CUX1: variants seen among roughly 807,000 people sequenced by gnomAD.
The protein encoded by CUX1 is cut like homeobox 1.
In CUX1, 31 loss-of-function variants were observed where a neutral mutation model predicts 158.8. The ratio of observed to expected loss-of-function variants is 0.20; its 90% CI spans 0.15 to 0.26. CUX1 has a LOEUF of 0.26. CUX1 is among the 10% of genes least tolerant of loss of function. The pLI is 1.00. For missense variants in CUX1, 1,589 were observed against 2,014.6 expected, an observed-to-expected ratio of 0.79 and a Z score of 4.04; for synonymous variants, 879 against 862.1, an observed-to-expected ratio of 1.02 and a Z score of -0.34.
chr7:102,248,669 GC>G lies in CUX1; in HGVS notation c.4148del (p.Pro1383ArgfsTer102). 1 of 1,325,186 alleles carries G rather than the reference GC, an allele frequency of 7.5e-7. No individual in the cohort carries two copies. The highest frequency in any genetic ancestry group is 9.6e-7 in the Non-Finnish European group (1 of 1,037,978). The allele number at this position is 1,325,186 out of a possible 1,614,324, so 82.1% of individuals were successfully genotyped here. Reference protein sequence around the residue: ...QTEPPPSGTPGPDDARDDDHE... With the variant: ...QTEPPPSGTPXPDDARDDDHE... Reference sequence around the variant, plus strand: ...GAGCCGCCGCCCTCGGGGACCCCGGGCCCGGACGACGCCCGCGACGACGACC... The same window carrying G: ...GAGCCGCCGCCCTCGGGGACCCCGGGCCGGACGACGCCCGCGACGACGACC... On this transcript the variant is annotated frameshift_variant, in exon 24 of 24. Transcript: ENST00000292535. LOFTEE classifies it low-confidence loss of function (END_TRUNC). This position sits in a 1 kb window ranked among gnomAD's most constrained non-coding sequence, Gnocchi z 5.8.
chr7:101,982,633 G>A (rs1308962491), intron 2 of CUX1, among the ~76,000 whole-genome samples: 2 of 151,814 alleles, frequency 1.3e-5, no homozygotes, highest in African/African-American at 4.8e-5. Flanking sequence ...CACCATGTTG[G>A]TTAGGCTGGT....
chr7:101,874,585 C>T (rs1309670899), intron 1 of CUX1, among the ~76,000 whole-genome samples: 4 of 152,124 alleles, frequency 2.6e-5, no homozygotes, highest in African/African-American at 4.8e-5. Context: ...AGGTGGTGGG[C>T]GGTATCATCC....
At chr7:102,006,189 G>A (rs1012655441) in intron 2 of CUX1, among the ~76,000 whole-genome samples, 1 of 152,022 alleles carries the variant, frequency 6.6e-6, no homozygotes, top group African/African-American at 2.4e-5. Flanking sequence ...AGACCCGCGG[G>A]GTCCACTGGC....
chr7:102,201,329 G>A lies in CUX1; in HGVS notation c.2063-31G>A. The A allele has an allele frequency of 1.9e-6, 3 of 1,599,976 alleles. No individual in the cohort carries two copies. The highest frequency in any genetic ancestry group is 2.6e-6 in the Non-Finnish European group (3 of 1,171,860). On this transcript the variant is annotated intron_variant, in intron 17 of 23. Transcript: ENST00000292535. This position sits in a 1 kb window ranked among gnomAD's most constrained non-coding sequence, Gnocchi z 5.0. ...GTCCCCAGCTGAAGGGGGCCGCCCT[G>A]CCACACTCTCACCCCTGTTTCTCCA... is the stretch of plus-strand genomic sequence containing the variant.
intron 3 of CUX1, among the ~76,000 whole-genome samples, chr7:102,030,689 G>GTGTTTTTTTTGTTTTGTTTTTTGTTTTT (rs1554459456): frequency 3.6e-5 from 3 of 82,540 alleles, no homozygotes; most frequent in African/African-American, 1.6e-4. Context: ...ATTTTAAAAA[G>GTGTTTTTTTTGTTTTGTTTTTTGTTTTT]TGTTTTTTTT....
At chr7:101,874,736 G>C (rs1246390652) in intron 1 of CUX1, among the ~76,000 whole-genome samples, 1 of 152,198 alleles carries the variant, frequency 6.6e-6, no homozygotes, top group East Asian at 1.9e-4. Flanking sequence ...TGGGGAATCT[G>C]TTGTTGTAAC....
chr7:102,208,945 C>T (rs1425054087), intron 20 of CUX1, among the ~76,000 whole-genome samples: 41 of 152,316 alleles, frequency 2.7e-4, no homozygotes, highest in Non-Finnish European at 4.4e-5. Flanking sequence ...TTTTCCTTCC[C>T]AGGTAGGCAG....
At chr7:102,041,253 A>G (rs1822045079) in intron 3 of CUX1, among the ~76,000 whole-genome samples, 2 of 66,072 alleles carry the variant, frequency 3.0e-5, no homozygotes, top group Admixed American at 3.9e-4. Context: ...CCTCTTATCC[A>G]TTCTTTTTTT....
chr7:101,872,030 A>T (rs1476801550), intron 1 of CUX1, among the ~76,000 whole-genome samples: 2 of 152,150 alleles, frequency 1.3e-5, no homozygotes, highest in East Asian at 3.9e-4. Flanking sequence ...CAAAAAAAAA[A>T]AAAGAAAAGA....
At position 102,200,176 on chromosome 7, in the gene CUX1, C is replaced by T. The variant is rs1795265196; in HGVS notation, c.2062+4C>T. Reference sequence around the variant, plus strand: ...GAGCTCCAAGTGCAGAAAACTGGTACAGCTTCCATTTCTTCATCCACTGTC... The same window carrying T: ...GAGCTCCAAGTGCAGAAAACTGGTATAGCTTCCATTTCTTCATCCACTGTC... On this transcript the variant is annotated splice_donor_region_variant and intron_variant, in intron 17 of 23. Transcript: ENST00000292535. 6.2e-7 allele frequency: 1 copy of T among 1,605,036 alleles called. No homozygotes were observed. The highest frequency in any genetic ancestry group is 1.3e-5 in the African/African-American group (1 of 74,414).
In CUX1 at chr7:102,041,256, C is replaced by CTTTTTTTTTTTTTTTTT. The variant is rs11427183; in HGVS notation, c.189+13122_189+13138dup. 8.6e-5 allele frequency among the ~76,000 whole-genome samples: 6 copies of CTTTTTTTTTTTTTTTTT among 69,892 alleles called. 1 individual carries two copies. Among genetic ancestry groups the CTTTTTTTTTTTTTTTTT allele is most frequent in the African/African-American group, 3.1e-4 (6 of 19,092 alleles). 45.9% of individuals were successfully genotyped at this position (69,892 alleles called of 152,430 possible). A position where few individuals can be genotyped will look rare whatever the true frequency, so the allele number is the denominator to read the frequency against. ...GGGAGATTGTCACCTCTTATCCATTCTTTTTTTTTTTTTTTTTTTTTTTTT... is the reference window on the plus strand; with the variant it reads ...GGGAGATTGTCACCTCTTATCCATTCTTTTTTTTTTTTTTTTTTTTTTTTTTTTTTTTTTTTTTTTTT... On this transcript the variant is annotated intron_variant, in intron 3 of 23. Transcript: ENST00000292535.
At chr7:102,078,221 A>T (rs779178512) in intron 4 of CUX1, among the ~76,000 whole-genome samples, 10 of 152,132 alleles carry the variant, frequency 6.6e-5, no homozygotes, top group Non-Finnish European at 1.5e-4. Flanking sequence ...AACTACAGGC[A>T]CACGCCACCA....
chr7:102,148,880 A>G (rs1271685299), intron 8 of CUX1, among the ~76,000 whole-genome samples: 1 of 149,226 alleles, frequency 6.7e-6, no homozygotes, highest in East Asian at 2.0e-4. Flanking sequence ...AGTCCTTTGC[A>G]TTTTCATCGC....
intron 2 of CUX1, among the ~76,000 whole-genome samples, chr7:102,020,945 C>T (rs987854181): frequency 2.0e-5 from 3 of 151,156 alleles, no homozygotes; most frequent in South Asian, 2.1e-4. Context: ...GAGGCAAGAG[C>T]GGAGAATTAC....
chr7:102,043,938 T>A (rs1447420815), intron 3 of CUX1, among the ~76,000 whole-genome samples: 1 of 152,098 alleles, frequency 6.6e-6, no homozygotes, highest in African/African-American at 2.4e-5. Flanking sequence ...ATTTTCCAGA[T>A]GATTAAAGAT....
chr7:102,197,000 A>G lies in CUX1; in HGVS notation c.1589A>G (p.Asn530Ser). 1 of 1,614,228 alleles carries G rather than the reference A, an allele frequency of 6.2e-7. No homozygotes were observed. Among genetic ancestry groups the G allele is most frequent in the Non-Finnish European group, 8.5e-7 (1 of 1,180,040 alleles). The change falls in exon 15 of 24, where the codon AAT (asparagine) becomes AGT (serine). Residue 530 changes from asparagine (N) to serine (S), a missense_variant. Coordinates refer to ENST00000292535, the MANE Select transcript of CUX1 (RefSeq NM_181552.4). ...QSPLQQSPDV[N>S]GMAPSPSQSE... ...CCATTACAACAAAGCCCAGATGTCA[A>G]TGGCATGGCCCCATCCCCCAGCCAG...
intron 3 of CUX1, among the ~76,000 whole-genome samples, chr7:102,043,534 T>C (rs1282849329): frequency 6.6e-6 from 1 of 152,106 alleles, no homozygotes; most frequent in Non-Finnish European, 1.5e-5. Context: ...TATGTGCAGA[T>C]TTTGGTACAC....
At chr7:102,075,720 G>A (rs1554476408) in intron 4 of CUX1, among the ~76,000 whole-genome samples, 2 of 152,224 alleles carry the variant, frequency 1.3e-5, no homozygotes, top group Non-Finnish European at 2.9e-5. Flanking sequence ...CAAGTCAATT[G>A]CAGGAGAACA....
Position 102,196,648 on chromosome 7 carries a change from A to C in CUX1, c.1237A>C (p.Lys413Gln). The C allele has an allele frequency of 6.4e-7, 1 of 1,562,372 alleles. No individual in the cohort carries two copies. Residue 413 changes from lysine (K) to glutamine (Q), a missense_variant, in exon 15 of 24, where the codon AAA becomes CAA. Around this residue, in one of 8 missense-constraint regions of CUX1, gnomAD observed 515 missense variants for 574.4 expected, o/e 0.90. Coordinates refer to ENST00000292535, the MANE Select transcript of CUX1 (RefSeq NM_181552.4). ...NSDLSGSARR[K>Q]GKDQPESRRP... Reference sequence around the variant, plus strand: ...CTTCCTTGTAGGGTCAGCCAGGAGGAAAGGGAAAGACCAGCCTGAAAGTCG... The same window carrying C: ...CTTCCTTGTAGGGTCAGCCAGGAGGCAAGGGAAAGACCAGCCTGAAAGTCG...
Sources: gnomAD v4.1 joint callset for allele counts (sites outside exome capture counted in the v4.1 genomes callset) on GRCh38, gnomAD v4.1.1 for gene constraint, gnomAD v4.1.1 regional missense constraint, Gnocchi (gnomAD v3.1) non-coding constraint, MANE v1.5 for transcripts, NCBI Gene and HGNC (gene_info 2026-07-23, HGNC 2026-07-21) for gene names.